The following ZBTB20 variants were observed in gnomAD, a reference collection of about 807,000 sequenced individuals.
ZBTB20 encodes zinc finger and BTB domain-containing protein 20.
In ZBTB20, 9 loss-of-function variants were observed where a neutral mutation model predicts 56.9. The ratio of observed to expected loss-of-function variants is 0.16; its 90% CI spans 0.10 to 0.28. ZBTB20 has a LOEUF of 0.28. Ranked by LOEUF, ZBTB20 falls within the 10% of genes least tolerant of loss-of-function variation. The pLI is 1.00. For missense variants in ZBTB20, 655 were observed against 1,003.0 expected, an observed-to-expected ratio of 0.65 and a Z score of 4.69; for synonymous variants, 417 against 420.7, an observed-to-expected ratio of 0.99 and a Z score of 0.11.
At chr3:114,419,030 T>C (rs747927539) in intron 7 of ZBTB20, 1 of 152,104 alleles carries the variant, frequency 6.6e-6, no homozygotes, top group African/African-American at 2.4e-5. Context: ...TTGAAGGGCA[T>C]TAAAAACAAC....
At chr3:114,424,313 A>G (rs1205428817) in intron 7 of ZBTB20, among the ~76,000 whole-genome samples, 2 of 152,174 alleles carry the variant, frequency 1.3e-5, no homozygotes, top group African/African-American at 4.8e-5. Context: ...TCTCGCAGGG[A>G]AACTAGAGAA....
chr3:114,505,965 A>C (rs970153210), intron 6 of ZBTB20, among the ~76,000 whole-genome samples: 1 of 152,088 alleles, frequency 6.6e-6, no homozygotes, highest in African/African-American at 2.4e-5. Context: ...ATTTGGCAAA[A>C]GGTTTACAGG....
chr3:114,608,527 T>C (rs1377742072), intron 6 of ZBTB20, among the ~76,000 whole-genome samples: 2 of 152,226 alleles, frequency 1.3e-5, no homozygotes, highest in African/African-American at 4.8e-5. Flanking sequence ...CATTTCTTCA[T>C]TCCTAATGAA....
At chr3:114,613,892 C>T (rs540355343) in intron 6 of ZBTB20, among the ~76,000 whole-genome samples, 3 of 152,056 alleles carry the variant, frequency 2.0e-5, no homozygotes, top group East Asian at 1.9e-4. Flanking sequence ...TTATTGAGTG[C>T]TTATTATATA....
chr3:114,679,114 C>T (rs969835028), intron 6 of ZBTB20, among the ~76,000 whole-genome samples: 2 of 152,122 alleles, frequency 1.3e-5, no homozygotes, highest in African/African-American at 2.4e-5. Context: ...CTTCCTTACA[C>T]CTTATACAAA....
intron 5 of ZBTB20, among the ~76,000 whole-genome samples, chr3:114,765,579 T>G (rs892127135): frequency 6.6e-6 from 1 of 152,056 alleles, no homozygotes; most frequent in Non-Finnish European, 1.5e-5. Context: ...CTTCCAGAAC[T>G]GTGATCCAAT....
chr3:114,894,717 A>T lies in ZBTB20; in HGVS notation c.-417+5587T>A, dbSNP rs540318475. 2.8e-3 allele frequency among the ~76,000 whole-genome samples: 429 copies of T among 152,292 alleles called. 3 individuals are homozygous for T. The highest frequency in any genetic ancestry group is 9.5e-3 in the African/African-American group (394 of 41,568). ...TCTATATGTCAAGGAGAAAGGCTGG[A>T]ACAGATCCTTCCCTCACAGCCCTGA... is the stretch of plus-strand genomic sequence containing the variant. On this transcript the variant is annotated intron_variant, in intron 4 of 11. Transcript: ENST00000675478.
intron 1 of ZBTB20, chr3:115,100,475 GCA>G (rs1032175772): frequency 1.3e-5 from 2 of 152,112 alleles, no homozygotes; most frequent in African/African-American, 4.8e-5. Context: ...AGAGAGAAAG[GCA>G]CAGACAAAGC....
intron 4 of ZBTB20, among the ~76,000 whole-genome samples, chr3:114,886,845 C>T (rs1454525669): frequency 2.6e-5 from 4 of 152,062 alleles, no homozygotes; most frequent in Non-Finnish European, 5.9e-5. Context: ...TGTCAAATAC[C>T]GAGGGGAAAA....
At chr3:114,952,585 C>A (rs557564499) in intron 3 of ZBTB20, among the ~76,000 whole-genome samples, 1 of 150,382 alleles carries the variant, frequency 6.6e-6, no homozygotes, top group African/African-American at 2.5e-5. Flanking sequence ...GTACAGCAAA[C>A]CCCAAACAGA....
chr3:114,332,516 T>C lies in ZBTB20; in HGVS notation c.*6489A>G, dbSNP rs1042510579. 2 of 152,182 alleles carry C rather than the reference T, an allele frequency of 1.3e-5. No homozygotes were observed. Among genetic ancestry groups the C allele is most frequent in the Non-Finnish European group, 2.9e-5 (2 of 68,022 alleles). The allele number at this position is 152,182 out of a possible 1,614,324, so 9.4% of individuals were successfully genotyped here. The stretch of plus-strand genomic sequence containing the variant: ...TACGTCACTGAAATAGAATAGGAAA[T>C]AGCAGCCACTATCTGAGAGTACCCA... On this transcript the variant is annotated 3_prime_UTR_variant, in exon 12 of 12. Transcript: ENST00000675478.
At chr3:114,781,416 T>C (rs960226714) in intron 5 of ZBTB20, among the ~76,000 whole-genome samples, 3 of 152,216 alleles carry the variant, frequency 2.0e-5, no homozygotes, top group African/African-American at 7.2e-5. Flanking sequence ...AGGGGGGAGA[T>C]AAGGTGTTTC....
At chr3:114,484,940 T>C (rs1397009810) in intron 7 of ZBTB20, among the ~76,000 whole-genome samples, 2 of 152,156 alleles carry the variant, frequency 1.3e-5, no homozygotes, top group East Asian at 1.9e-4. Context: ...TATAATAATA[T>C]AATAGCTCAG....
At chr3:114,494,898 T>C (rs2043115370) in intron 7 of ZBTB20, among the ~76,000 whole-genome samples, 1 of 152,240 alleles carries the variant, frequency 6.6e-6, no homozygotes. Flanking sequence ...ATGCTATTTA[T>C]GGGCCCCCTC....
intron 7 of ZBTB20, among the ~76,000 whole-genome samples, chr3:114,397,225 A>G (rs1457954504): frequency 6.6e-6 from 1 of 152,050 alleles, no homozygotes; most frequent in East Asian, 1.9e-4. Context: ...TGCTACCTGG[A>G]CCTATGCTCC....
At chr3:114,361,299 T>C (rs919572894) in intron 10 of ZBTB20, among the ~76,000 whole-genome samples, 4 of 152,238 alleles carry the variant, frequency 2.6e-5, no homozygotes, top group African/African-American at 9.6e-5. Flanking sequence ...TTATTGTGGT[T>C]TCTCTCCTCA....
At chr3:114,519,332 T>C (rs1296754296) in intron 6 of ZBTB20, among the ~76,000 whole-genome samples, 1 of 152,066 alleles carries the variant, frequency 6.6e-6, no homozygotes, top group Non-Finnish European at 1.5e-5. Flanking sequence ...GTCATGTATC[T>C]GCAGGAAAAA....
At chr3:115,104,122 G>A (rs1037421625) in intron 1 of ZBTB20, among the ~76,000 whole-genome samples, 5 of 152,114 alleles carry the variant, frequency 3.3e-5, no homozygotes, top group African/African-American at 1.2e-4. Flanking sequence ...TGTCATTGGG[G>A]AAATGCACAT....
At chr3:114,573,565 GA>G (rs2053676751) in intron 6 of ZBTB20, among the ~76,000 whole-genome samples, 2 of 145,380 alleles carry the variant, frequency 1.4e-5, no homozygotes, top group African/African-American at 2.5e-5. Flanking sequence ...AGGAAAAAAA[GA>G]AAAAAGAGAA....
Sources: allele counts gnomAD v4.1 joint callset (sites outside exome capture counted in the v4.1 genomes callset), GRCh38; gene constraint gnomAD v4.1.1; transcripts MANE v1.5; gene names NCBI Gene and HGNC (gene_info 2026-07-23, HGNC 2026-07-21).